Variants in PACC1 observed in about 807,000 individuals in gnomAD.
PACC1 encodes the protein proton activated chloride channel 1, also known as proton-activated chloride channel.
In PACC1, 34 loss-of-function variants were observed where a neutral mutation model predicts 39.7. The ratio of observed to expected loss-of-function variants is 0.86; its 90% confidence interval spans 0.65 to 1.14. The LOEUF is 1.14. Among genes scored for constraint, PACC1 ranks in the 50% most tolerant of loss-of-function variants. The probability of loss-of-function intolerance (pLI) is 0.00; values close to 1 mark genes in which losing one functional copy is unlikely to be tolerated. For synonymous variants in PACC1, 127 were observed against 160.6 expected, an observed-to-expected ratio of 0.79 and a Z score of 1.58; for missense variants, 379 against 436.4, an observed-to-expected ratio of 0.87 and a Z score of 1.17.
At chr1:212,414,037 G>A (rs1662234486) in intron 1 of PACC1, 1 of 1,535,802 alleles carries the variant, frequency 6.5e-7, no homozygotes, top group Middle Eastern at 1.7e-4. Flanking sequence ...AGCTGGAGAA[G>A]TGAGGAGGCA....
intron 7 of PACC1, among the ~76,000 whole-genome samples, chr1:212,373,837 C>A (rs1200360101): frequency 6.6e-6 from 1 of 151,902 alleles, no homozygotes; most frequent in Non-Finnish European, 1.5e-5. Context: ...TGACCACTAT[C>A]AAAAAGACAG....
chr1:212,385,274 C>T lies in PACC1; in HGVS notation c.495G>A (p.Val165=). 6.2e-7 allele frequency: 1 copy of T among 1,613,932 alleles called. No homozygotes were observed. Among genetic ancestry groups the T allele is most frequent in the Non-Finnish European group, 8.5e-7 (1 of 1,179,986 alleles). ...NYTDPFSNQT[V]KSALIVQGPR... ...CCCAGCTCAGGCAGACAGGAATTAC[C>T]ACAGTCTGATTGGAGAAGGGGTCCG... Residue 165 remains valine (V), a splice_region_variant and synonymous_variant, in exon 4 of 8, where the codon GTG becomes GTA. Transcript: ENST00000261455.
chr1:212,398,212 A>G (rs1044875894), intron 2 of PACC1, among the ~76,000 whole-genome samples: 2 of 152,226 alleles, frequency 1.3e-5, no homozygotes, highest in Non-Finnish European at 2.9e-5. Flanking sequence ...CTTTTGAAAA[A>G]TAAATCTGAA....
At chr1:212,381,778 C>G (rs1189608564) in intron 4 of PACC1, among the ~76,000 whole-genome samples, 4 of 146,578 alleles carry the variant, frequency 2.7e-5, no homozygotes, top group African/African-American at 8.0e-5. Flanking sequence ...GTGACACACA[C>G]ACACACACAC....
chr1:212,383,458 G>T (rs1660981550), intron 4 of PACC1, among the ~76,000 whole-genome samples: 1 of 152,162 alleles, frequency 6.6e-6, no homozygotes, highest in African/African-American at 2.4e-5. Context: ...TCCAGACAAA[G>T]AGCTTCTATT....
intron 2 of PACC1, among the ~76,000 whole-genome samples, chr1:212,399,414 G>T (rs765339954): frequency 3.1e-4 from 47 of 152,000 alleles, no homozygotes; most frequent in Non-Finnish European, 3.7e-4. Context: ...AATAATAAAA[G>T]ATGTAATTGA....
Position 212,387,024 on chromosome 1 carries a change from G to A in PACC1, c.210C>T (p.Leu70=), listed in dbSNP as rs548605330. 6.2e-7 allele frequency: 1 copy of A among 1,614,214 alleles called. No individual in the cohort carries two copies. Among genetic ancestry groups the A allele is most frequent in the Admixed American group, 1.7e-5 (1 of 60,026 alleles). ...ACLKNVFSVL[L]IFIYLLLMAV... is the part of the protein sequence containing the mutation. ...CCATGAGCAGCAGGTAGATGAAGAT[G>A]AGTAGGACCGAGAAGACGTTCTTCA... is the stretch of plus-strand genomic sequence containing the variant. The change falls in exon 3 of 8, where the codon CTC becomes CTT. Residue 70 remains leucine, a synonymous_variant. Transcript: ENST00000261455.
In PACC1 at chr1:212,365,373, C is replaced by G. The variant is rs1401282645; in HGVS notation, c.895G>C (p.Val299Leu). ...ATTGTGTTCCAAGGATTGGCAGTGA[C>G]TATCTGTGAAGCAAACAGAAACAAA... is the stretch of plus-strand genomic sequence containing the variant. ...DPFIQKVQDI[V>L]TANPWNTIAL... The change falls in exon 8 of 8, where the codon GTC becomes CTC. Residue 299 changes from valine to leucine, a missense_variant. Val to Leu is a conservative substitution (Grantham distance 32). Transcript: ENST00000261455. 1 of 1,603,370 alleles carries G rather than the reference C, an allele frequency of 6.2e-7. No homozygotes were observed. Among genetic ancestry groups the G allele is most frequent in the Admixed American group, 1.7e-5 (1 of 58,210 alleles).
chr1:212,402,738 T>C (rs1483433739), intron 2 of PACC1, among the ~76,000 whole-genome samples: 2 of 152,170 alleles, frequency 1.3e-5, no homozygotes, highest in African/African-American at 4.8e-5. Flanking sequence ...CACTACAACC[T>C]CCGCCTCCTA....
At chr1:212,393,730 C>T (rs1368921566) in intron 2 of PACC1, among the ~76,000 whole-genome samples, 3 of 152,096 alleles carry the variant, frequency 2.0e-5, no homozygotes, top group East Asian at 1.9e-4. Context: ...ATCAAATAGA[C>T]ACAATAAAAA....
At chr1:212,382,060 A>G (rs966507100) in intron 4 of PACC1, among the ~76,000 whole-genome samples, 7 of 149,890 alleles carry the variant, frequency 4.7e-5, no homozygotes, top group African/African-American at 1.7e-4. Context: ...TTTTTTTGAG[A>G]CGGTGTCTCG....
intron 2 of PACC1, among the ~76,000 whole-genome samples, chr1:212,405,231 T>C (rs552722088): frequency 6.6e-6 from 1 of 152,192 alleles, no homozygotes; most frequent in African/African-American, 2.4e-5. Context: ...AAATAGGTAC[T>C]GAGTACCTAC....
chr1:212,398,721 T>C (rs1361249436), intron 2 of PACC1, among the ~76,000 whole-genome samples: 1 of 152,192 alleles, frequency 6.6e-6, no homozygotes, highest in Non-Finnish European at 1.5e-5. Flanking sequence ...ATAGACACTG[T>C]GTCAATTTCT....
Position 212,413,985 on chromosome 1 carries a change from C to T in PACC1, c.36+737G>A, listed in dbSNP as rs1189604941. On this transcript the variant is annotated intron_variant, in intron 1 of 7. Transcript: ENST00000261455. Reference sequence around the variant, plus strand: ...GCCAAAGATGACCAAGGTTTGGGGGCCGAGAAGTGGAGGCGGAGGAGGAGA... The same window carrying T: ...GCCAAAGATGACCAAGGTTTGGGGGTCGAGAAGTGGAGGCGGAGGAGGAGA... 4 of 1,535,642 alleles carry T rather than the reference C, an allele frequency of 2.6e-6. No homozygotes were observed. In the South Asian group the frequency reaches 4.8e-5, roughly 18 times the overall value.
At chr1:212,373,432 C>T (rs1227416176) in intron 7 of PACC1, among the ~76,000 whole-genome samples, 4 of 152,118 alleles carry the variant, frequency 2.6e-5, no homozygotes. Flanking sequence ...GGACACTGGT[C>T]TGGACAAAGA....
intron 2 of PACC1, among the ~76,000 whole-genome samples, chr1:212,394,496 A>G (rs962899348): frequency 6.6e-6 from 1 of 152,174 alleles, no homozygotes; most frequent in Admixed American, 6.5e-5. Context: ...ATGGGCAAAA[A>G]CTGGAAGCAT....
chr1:212,413,840 C>G (rs1662224271), intron 1 of PACC1: 1 of 1,471,564 alleles, frequency 6.8e-7, no homozygotes, highest in Non-Finnish European at 9.0e-7. Flanking sequence ...GATGGTAACA[C>G]AGTATCGCAC....
intron 1 of PACC1, among the ~76,000 whole-genome samples, chr1:212,412,247 T>A (rs997758305): frequency 3.3e-5 from 5 of 150,968 alleles, no homozygotes; most frequent in African/African-American, 1.2e-4. Context: ...GATAAAGAGG[T>A]CTCACTGGCC....
At chr1:212,376,106 T>C (rs1342008351) in intron 6 of PACC1, among the ~76,000 whole-genome samples, 1 of 152,208 alleles carries the variant, frequency 6.6e-6, no homozygotes, top group Non-Finnish European at 1.5e-5. Flanking sequence ...GTAGGTGTGC[T>C]TGGTGAGATC....
Sources: allele counts gnomAD v4.1 joint callset (sites outside exome capture counted in the v4.1 genomes callset), GRCh38; gene constraint gnomAD v4.1.1; transcripts MANE v1.5; gene names NCBI Gene and HGNC (gene_info 2026-07-23, HGNC 2026-07-21).